CDH18: variants seen among roughly 807,000 people sequenced by gnomAD.
The protein encoded by CDH18 is cadherin-18.
In CDH18, 31 loss-of-function variants were observed where a neutral mutation model predicts 67.9. The ratio of observed to expected loss-of-function variants is 0.46; its 90% CI spans 0.34 to 0.62. The LOEUF (loss-of-function observed/expected upper bound fraction) is 0.62. Ranked by LOEUF, CDH18 falls within the 20% of genes least tolerant of loss-of-function variation. The pLI is 0.01. For missense variants in CDH18, 890 were observed against 975.5 expected (o/e 0.91, Z 1.17); for synonymous variants, 362 against 347.2 (o/e 1.04, Z -0.48).
At chr5:20,104,615 C>T (rs1284407176) in intron 2 of CDH18, among the ~76,000 whole-genome samples, 1 of 152,100 alleles carries the variant, frequency 6.6e-6, no homozygotes, top group Non-Finnish European at 1.5e-5. Flanking sequence ...TTAACTTCCC[C>T]ACCTGTCCAC....
intron 1 of CDH18, among the ~76,000 whole-genome samples, chr5:20,294,135 T>C (rs562252010): frequency 1.3e-5 from 2 of 152,294 alleles, no homozygotes; most frequent in East Asian, 3.9e-4. Flanking sequence ...ATCTTTTCCA[T>C]ATGTGAGTTT....
In CDH18 at chr5:20,325,836, C is replaced by G. The variant is rs547839248; in HGVS notation, c.-579-70331G>C. Among the ~76,000 whole-genome samples the G allele has an allele frequency of 2.6e-5, 4 of 152,200 alleles. No homozygotes were observed. In the South Asian group the frequency reaches 8.3e-4, roughly 32 times the overall value. ...TCTGCTTATAACCATAGAGTTATCC[C>G]AAGGCCATCTATGACATCTACATTG... On this transcript the variant is annotated intron_variant, in intron 1 of 14. Coordinates refer to the CDH18 transcript ENST00000507958.
intron 1 of CDH18, among the ~76,000 whole-genome samples, chr5:20,514,607 T>C (rs1054071128): frequency 6.6e-6 from 1 of 152,114 alleles, no homozygotes. Context: ...TTGGGTTGCA[T>C]GTGTGTCTGG....
chr5:19,637,402 G>A (rs918039950), intron 5 of CDH18, among the ~76,000 whole-genome samples: 2 of 151,390 alleles, frequency 1.3e-5, no homozygotes, highest in Admixed American at 1.3e-4. Context: ...ACATTTCCTT[G>A]TTCTGGTCCC....
At chr5:20,338,732 C>G (rs576279016) in intron 1 of CDH18, among the ~76,000 whole-genome samples, 17 of 152,300 alleles carry the variant, frequency 1.1e-4, no homozygotes, top group Admixed American at 1.0e-3. Context: ...TTTACCCAAT[C>G]TCTGACCTGC....
intron 2 of CDH18, among the ~76,000 whole-genome samples, chr5:20,000,990 A>G (rs1736395973): frequency 6.6e-6 from 1 of 152,230 alleles, no homozygotes; most frequent in Non-Finnish European, 1.5e-5. Flanking sequence ...AAAGGTTGGC[A>G]AAGTCAAAAT....
chr5:20,162,486 CA>C (rs1735967504), intron 2 of CDH18, among the ~76,000 whole-genome samples: 1 of 123,010 alleles, frequency 8.1e-6, no homozygotes, highest in African/African-American at 3.3e-5. Context: ...TGGTAATAGA[CA>C]TATATATAAT....
chr5:20,225,958 C>T lies in CDH18; in HGVS notation c.-518+29486G>A, dbSNP rs144409102. On this transcript the variant is annotated intron_variant, in intron 2 of 14. Coordinates refer to the CDH18 transcript ENST00000507958. Reference sequence around the variant, plus strand: ...ACCTGTTTATGATCTTTCAGGAAGACGGGCAGTGCCAGGACAGGACTATGT... The same window carrying T: ...ACCTGTTTATGATCTTTCAGGAAGATGGGCAGTGCCAGGACAGGACTATGT... Among the ~76,000 whole-genome samples, 338 of 152,028 alleles carry T rather than the reference C, an allele frequency of 2.2e-3. 2 individuals are homozygous for T. Among genetic ancestry groups the T allele is most frequent in the African/African-American group, 7.8e-3 (323 of 41,494 alleles).
chr5:20,115,647 G>A (rs989011665), intron 2 of CDH18, among the ~76,000 whole-genome samples: 1 of 151,860 alleles, frequency 6.6e-6, no homozygotes, highest in Non-Finnish European at 1.5e-5. Flanking sequence ...CATTTCGTGG[G>A]AACACAAATA....
chr5:19,944,221 T>G (rs1254850236), intron 2 of CDH18, among the ~76,000 whole-genome samples: 1 of 152,154 alleles, frequency 6.6e-6, no homozygotes, highest in Non-Finnish European at 1.5e-5. Context: ...AATTTTGTTT[T>G]GTTTTTACCT....
chr5:19,637,642 T>C (rs1753352905), intron 5 of CDH18, among the ~76,000 whole-genome samples: 1 of 152,180 alleles, frequency 6.6e-6, no homozygotes, highest in African/African-American at 2.4e-5. Flanking sequence ...TAATCACCCT[T>C]ACTGTCTCAC....
At chr5:19,712,455 G>A (rs868213956) in intron 5 of CDH18, among the ~76,000 whole-genome samples, 2 of 152,016 alleles carry the variant, frequency 1.3e-5, no homozygotes, top group South Asian at 4.1e-4. Context: ...CTACTGCTAT[G>A]TTTTAGGAGG....
At chr5:19,511,946 T>C (rs973409985) in intron 10 of CDH18, among the ~76,000 whole-genome samples, 3 of 152,034 alleles carry the variant, frequency 2.0e-5, no homozygotes, top group East Asian at 1.9e-4. Context: ...GTCAGAGGTG[T>C]CCTCGGCAGC....
intron 2 of CDH18, among the ~76,000 whole-genome samples, chr5:20,073,290 T>A (rs1201434730): frequency 1.3e-5 from 2 of 152,052 alleles, no homozygotes; most frequent in Non-Finnish European, 2.9e-5. Context: ...TTTTGTTTCA[T>A]TGCTCTTTTC....
chr5:19,541,350 A>G (rs1246626663), intron 9 of CDH18, among the ~76,000 whole-genome samples: 1 of 151,278 alleles, frequency 6.6e-6, no homozygotes, highest in Non-Finnish European at 1.5e-5. Context: ...ACTTTCCCAC[A>G]TTTTTTTTAT....
intron 5 of CDH18, among the ~76,000 whole-genome samples, chr5:19,694,861 G>A (rs1006395350): frequency 1.6e-5 from 2 of 128,094 alleles, no homozygotes; most frequent in Admixed American, 1.8e-4. Context: ...GCAACAGAGT[G>A]AGACTCTGTC....
At chr5:19,865,331 A>G (rs1302195067) in intron 2 of CDH18, among the ~76,000 whole-genome samples, 1 of 152,168 alleles carries the variant, frequency 6.6e-6, no homozygotes, top group African/African-American at 2.4e-5. Context: ...TCAACTTGAA[A>G]AGCTGCTTGA....
chr5:19,613,024 T>C (rs903763493), intron 5 of CDH18, among the ~76,000 whole-genome samples: 1 of 151,728 alleles, frequency 6.6e-6, no homozygotes, highest in African/African-American at 2.4e-5. Context: ...CGCATGCCTG[T>C]AATCCCAGCT....
chr5:20,452,609 G>A (rs192328290), intron 1 of CDH18, among the ~76,000 whole-genome samples: 1 of 152,150 alleles, frequency 6.6e-6, no homozygotes, highest in East Asian at 1.9e-4. Flanking sequence ...CAGATTTGAG[G>A]GTGGAGGGTG....
Sources: allele counts gnomAD v4.1 joint callset (sites outside exome capture counted in the v4.1 genomes callset), GRCh38; gene constraint gnomAD v4.1.1; transcripts MANE v1.5; gene names NCBI Gene and HGNC (gene_info 2026-07-23, HGNC 2026-07-21).